The following DLEU7 variants were observed in gnomAD, a reference collection of about 807,000 sequenced individuals.
The protein encoded by DLEU7 is leukemia-associated protein 7.
DLEU7 carries 17 observed loss-of-function variants against 16.0 expected under a neutral mutation model. The observed-to-expected ratio is 1.06, with a 90% confidence interval of 0.73 to 1.59. DLEU7 has a LOEUF of 1.59. Among genes scored for constraint, DLEU7 ranks in the 40% most tolerant of loss-of-function variants. The pLI is 0.00. For synonymous variants in DLEU7, 113 were observed against 139.8 expected (o/e 0.81, Z 1.35); for missense variants, 308 against 314.9 (o/e 0.98, Z 0.17).
At chr13:50,821,000 A>C (rs187672239), downstream of DLEU7, among the ~76,000 whole-genome samples, 394 of 152,182 alleles carry the variant, frequency 2.6e-3, 2 homozygotes, top group African/African-American at 9.2e-3. Flanking sequence ...GCCACATTTT[A>C]AGTGCTCAGT....
chr13:50,783,085 A>G (rs1363889895), intron 1 of DLEU7, among the ~76,000 whole-genome samples: 1 of 152,248 alleles, frequency 6.6e-6, no homozygotes, highest in Non-Finnish European at 1.5e-5. Flanking sequence ...AGGGGTTGGG[A>G]ATCACTTGCT....
At chr13:50,785,801 C>T (rs1875781214) in intron 1 of DLEU7, among the ~76,000 whole-genome samples, 1 of 152,154 alleles carries the variant, frequency 6.6e-6, no homozygotes, top group Non-Finnish European at 1.5e-5. Flanking sequence ...CATTTATCAC[C>T]AACACTTGCC....
At chr13:50,784,003 G>A (rs1463813353) in intron 1 of DLEU7, among the ~76,000 whole-genome samples, 1 of 152,342 alleles carries the variant, frequency 6.6e-6, no homozygotes, top group East Asian at 1.9e-4. Flanking sequence ...CTCTTGCAAA[G>A]CCGTAAGCTC....
intron 1 of DLEU7, among the ~76,000 whole-genome samples, chr13:50,803,526 C>A (rs1285942537): frequency 6.6e-6 from 1 of 151,950 alleles, no homozygotes; most frequent in Non-Finnish European, 1.5e-5. Flanking sequence ...GTGGCTAGTT[C>A]CAATTGTGAT....
intron 1 of DLEU7, among the ~76,000 whole-genome samples, chr13:50,829,926 T>C (rs552171848): frequency 1.4e-4 from 21 of 152,342 alleles, no homozygotes; most frequent in Non-Finnish European, 2.2e-4. Context: ...GTATATTAAA[T>C]GGCTCATGGG....
intron 1 of DLEU7, among the ~76,000 whole-genome samples, chr13:50,771,059 G>T (rs1445166706): frequency 6.6e-6 from 1 of 152,174 alleles, no homozygotes; most frequent in East Asian, 1.9e-4. Flanking sequence ...TTGTGCAGAG[G>T]TGTTTACAGT....
chr13:50,812,652 C>A (rs933245402), intron 1 of DLEU7, among the ~76,000 whole-genome samples: 1 of 152,074 alleles, frequency 6.6e-6, no homozygotes, highest in African/African-American at 2.4e-5. Context: ...AAACAAACAG[C>A]TTTACATCAA....
intron 1 of DLEU7, among the ~76,000 whole-genome samples, chr13:50,824,354 A>G (rs755323466): frequency 6.6e-5 from 10 of 152,220 alleles, no homozygotes; most frequent in Non-Finnish European, 1.3e-4. Context: ...TCTTTTCAGT[A>G]TAGGGAAATG....
downstream of DLEU7, chr13:50,711,772 C>CCGGCGGGG: frequency 7.7e-4 from 56 of 73,010 alleles, 9 homozygotes; most frequent in African/African-American, 2.1e-3. Context: ...GACCCAGTGG[C>CCGGCGGGG]GGGGGCGGGG....
intron 1 of DLEU7, among the ~76,000 whole-genome samples, chr13:50,794,830 A>T (rs1876064143): frequency 6.6e-6 from 1 of 152,102 alleles, no homozygotes; most frequent in African/African-American, 2.4e-5. Context: ...ACTTTTATAC[A>T]TGAGATTAAA....
At chr13:50,739,225 T>C (rs1874183539) in intron 1 of DLEU7, among the ~76,000 whole-genome samples, 1 of 152,142 alleles carries the variant, frequency 6.6e-6, no homozygotes, top group Non-Finnish European at 1.5e-5. Flanking sequence ...CTGGGTTGCT[T>C]CCCTTTTTTT....
intron 1 of DLEU7, among the ~76,000 whole-genome samples, chr13:50,826,987 CAGTT>C (rs1209009332): frequency 2.0e-5 from 3 of 152,138 alleles, no homozygotes; most frequent in African/African-American, 7.2e-5. Flanking sequence ...TAGACTCTCA[CAGTT>C]AGATATTTCT....
intron 1 of DLEU7, among the ~76,000 whole-genome samples, chr13:50,714,762 C>T (rs780622913): frequency 1.2e-4 from 18 of 152,212 alleles, no homozygotes; most frequent in Non-Finnish European, 2.6e-4. Flanking sequence ...CAGAGAATTA[C>T]TTGGAGAGCT....
At chr13:50,724,185 A>G (rs1456756940) in intron 1 of DLEU7, among the ~76,000 whole-genome samples, 2 of 152,224 alleles carry the variant, frequency 1.3e-5, no homozygotes, top group African/African-American at 4.8e-5. Context: ...CAGTCCTTTA[A>G]GCAAACTAAC....
At chr13:50,713,338 G>T in intron 1 of DLEU7, 1 of 1,439,544 alleles carries the variant, frequency 6.9e-7, no homozygotes, top group South Asian at 1.2e-5. Flanking sequence ...TGCATTTTAG[G>T]AATGGCATTA....
intron 1 of DLEU7, chr13:50,713,315 C>T: frequency 6.5e-7 from 1 of 1,532,682 alleles, no homozygotes. Flanking sequence ...CAATTATTTA[C>T]TGAGCACTAT....
chr13:50,756,022 G>C (rs1874747529), intron 1 of DLEU7, among the ~76,000 whole-genome samples: 1 of 152,148 alleles, frequency 6.6e-6, no homozygotes, highest in Admixed American at 6.5e-5. Flanking sequence ...CCCACCTCCA[G>C]GCTGGTACTG....
chr13:50,736,059 C>T (rs993257715), intron 1 of DLEU7, among the ~76,000 whole-genome samples: 3 of 152,018 alleles, frequency 2.0e-5, no homozygotes, highest in Non-Finnish European at 2.9e-5. Flanking sequence ...TGCGTGTGTA[C>T]GTTAATTGCA....
chr13:50,810,639 G>A (rs1876538740), intron 1 of DLEU7, among the ~76,000 whole-genome samples: 1 of 152,138 alleles, frequency 6.6e-6, no homozygotes, highest in Non-Finnish European at 1.5e-5. Flanking sequence ...AATGTCTTGT[G>A]CCAAGGGCTG....
Sources: gnomAD v4.1 joint callset for allele counts (sites outside exome capture counted in the v4.1 genomes callset) on GRCh38, gnomAD v4.1.1 for gene constraint, MANE v1.5 for transcripts, NCBI Gene and HGNC (gene_info 2026-07-23, HGNC 2026-07-21) for gene names.